Variants in THRAP3 observed in about 807,000 individuals in gnomAD.
THRAP3 encodes the protein thyroid hormone receptor-associated protein 3.
In THRAP3, 16 loss-of-function variants were observed where a neutral mutation model predicts 101.0. That is an observed-to-expected ratio of 0.16 (90% CI 0.11 to 0.24). The LOEUF (loss-of-function observed/expected upper bound fraction) is 0.24, where lower values mean the gene tolerates loss of function less well. Among genes scored for constraint, THRAP3 ranks in the 10% least tolerant of loss-of-function variants. The pLI is 1.00. For synonymous variants in THRAP3, 407 were observed against 422.6 expected, an observed-to-expected ratio of 0.96 and a Z score of 0.45; for missense variants, 989 against 1,202.7, an observed-to-expected ratio of 0.82 and a Z score of 2.63.
upstream of THRAP3, among the ~76,000 whole-genome samples, chr1:36,219,438 T>A (rs1049741293): frequency 2.6e-5 from 4 of 152,150 alleles, no homozygotes; most frequent in Admixed American, 6.6e-5. Context: ...TTATTTTTAT[T>A]TTTTTAGATG....
intron 1 of THRAP3, among the ~76,000 whole-genome samples, chr1:36,230,452 G>A (rs1156878225): frequency 2.0e-5 from 3 of 151,918 alleles, no homozygotes; most frequent in Non-Finnish European, 4.4e-5. Flanking sequence ...TAGTAGAGAT[G>A]AGGTTTCGCC....
chr1:36,285,983 C>G (rs1645791268), intron 3 of THRAP3, among the ~76,000 whole-genome samples: 1 of 152,128 alleles, frequency 6.6e-6, no homozygotes, highest in African/African-American at 2.4e-5. Context: ...CTCTCGTTTC[C>G]AATGACCTGG....
chr1:36,298,719 C>T (rs1055802491), intron 9 of THRAP3, among the ~76,000 whole-genome samples: 2 of 152,124 alleles, frequency 1.3e-5, no homozygotes, highest in African/African-American at 4.8e-5. Flanking sequence ...CCATGCTGGT[C>T]TTGAACTCTT....
intron 2 of THRAP3, among the ~76,000 whole-genome samples, chr1:36,282,232 TC>T (rs1645741407): frequency 8.8e-6 from 1 of 114,276 alleles, no homozygotes. Context: ...AGCCACTTTC[TC>T]TCTTTTTTTT....
intron 2 of THRAP3, among the ~76,000 whole-genome samples, chr1:36,278,371 C>T (rs980389851): frequency 1.3e-5 from 2 of 152,004 alleles, no homozygotes; most frequent in Non-Finnish European, 2.9e-5. Flanking sequence ...AGGCTTCAAT[C>T]GGGTTTTGAC....
chr1:36,297,354 T>C (rs1048841336), intron 9 of THRAP3, among the ~76,000 whole-genome samples: 2 of 152,164 alleles, frequency 1.3e-5, no homozygotes, highest in Non-Finnish European at 2.9e-5. Flanking sequence ...GACTTTTTAA[T>C]CATGTGTCAC....
intron 1 of THRAP3, among the ~76,000 whole-genome samples, chr1:36,226,022 C>T (rs1227447810): frequency 1.3e-5 from 2 of 152,062 alleles, no homozygotes; most frequent in Admixed American, 1.3e-4. Context: ...GTTTTGTAGA[C>T]TAGGTACAGT....
the THRAP3 span, among the ~76,000 whole-genome samples, chr1:36,215,604 G>T: frequency 6.6e-6 from 1 of 152,108 alleles, no homozygotes; most frequent in East Asian, 1.9e-4. Flanking sequence ...GGGGTAAATC[G>T]TACATGTTGT....
chr1:36,290,516 C>T (rs1420585254), intron 5 of THRAP3, among the ~76,000 whole-genome samples: 3 of 151,414 alleles, frequency 2.0e-5, no homozygotes, highest in Admixed American at 6.6e-5. Context: ...CCCAGGCTGG[C>T]GTGCAGTGGT....
chr1:36,241,430 C>T lies in THRAP3; in HGVS notation c.-135+16925C>T, dbSNP rs866651606. Among the ~76,000 whole-genome samples the T allele has an allele frequency of 7.2e-4, 92 of 127,546 alleles. 1 individual carries two copies. The highest frequency in any genetic ancestry group is 2.9e-3 in the African/African-American group (82 of 27,978). 83.7% of individuals were successfully genotyped at this position (127,546 alleles called of 152,430 possible). A position where few individuals can be genotyped will look rare whatever the true frequency, so the allele number is the denominator to read the frequency against. On this transcript the variant is annotated intron_variant, in intron 1 of 11. Transcript: ENST00000354618. ...ATATATATATATATATATATATATA[C>T]ACATATATAAATAAATATATATTCT...
rs765994565 is a variant in THRAP3 at position 36,291,527 on chromosome 1, C to G, written c.1899C>G (p.Thr633=). The G allele has an allele frequency of 5.6e-6, 9 of 1,614,160 alleles. No homozygotes were observed. The Admixed American group carries it at 1.5e-4, about 27-fold the overall frequency. Residue 633 remains threonine, a synonymous_variant, in exon 6 of 12, where the codon ACC becomes ACG. Transcript: ENST00000354618. ...AACTGTTTGCCCAACATATAGTGACCATTGTTCACCATGTTAAAGGTGAGT... is the reference window on the plus strand; with the variant it reads ...AACTGTTTGCCCAACATATAGTGACGATTGTTCACCATGTTAAAGGTGAGT... The part of the protein sequence containing the change: ...PSELFAQHIV[T]IVHHVKEHHF...
chr1:36,215,202 C>T, the THRAP3 span, among the ~76,000 whole-genome samples: 1 of 151,814 alleles, frequency 6.6e-6, no homozygotes, highest in Non-Finnish European at 1.5e-5. Context: ...CCAGCCTGGG[C>T]GACAGAGCGA....
At chr1:36,255,448 T>C (rs978381871) in intron 1 of THRAP3, among the ~76,000 whole-genome samples, 65 of 151,506 alleles carry the variant, frequency 4.3e-4, no homozygotes, top group African/African-American at 1.4e-3. Context: ...GGCAACATAG[T>C]GAGACCCTGT....
chr1:36,270,444 C>T (rs1321121891), intron 2 of THRAP3, among the ~76,000 whole-genome samples: 2 of 152,038 alleles, frequency 1.3e-5, no homozygotes, highest in Non-Finnish European at 2.9e-5. Context: ...CCTGCTCTCG[C>T]AGCTATAAGA....
At chr1:36,235,326 A>G (rs1448001093) in intron 1 of THRAP3, among the ~76,000 whole-genome samples, 1 of 152,164 alleles carries the variant, frequency 6.6e-6, no homozygotes, top group Non-Finnish European at 1.5e-5. Flanking sequence ...AACTATTTGG[A>G]AAAGGAAAGT....
chr1:36,243,914 G>A (rs1240371259), intron 1 of THRAP3, among the ~76,000 whole-genome samples: 3 of 140,356 alleles, frequency 2.1e-5, no homozygotes, highest in South Asian at 2.3e-4. Context: ...GCGGCTGGCC[G>A]GGCGGGGGGC....
chr1:36,229,375 G>A (rs994927814), intron 1 of THRAP3, among the ~76,000 whole-genome samples: 7 of 150,488 alleles, frequency 4.7e-5, no homozygotes, highest in South Asian at 2.1e-4. Context: ...GGATTATAGC[G>A]GTGAGCCACC....
intron 10 of THRAP3, among the ~76,000 whole-genome samples, chr1:36,301,338 G>GTTTATA (rs1557461316): frequency 6.6e-6 from 1 of 152,194 alleles, no homozygotes; most frequent in African/African-American, 2.4e-5. Context: ...GACTACTGCT[G>GTTTATA]TTTATAGGGA....
chr1:36,288,181 T>G (rs1645819618), intron 4 of THRAP3: 1 of 946,578 alleles, frequency 1.1e-6, no homozygotes, highest in African/African-American at 1.8e-5. Flanking sequence ...CAATAGGTTT[T>G]TGGGCGAATA....
Sources: gnomAD v4.1 joint callset for allele counts (sites outside exome capture counted in the v4.1 genomes callset) on GRCh38, gnomAD v4.1.1 for gene constraint, MANE v1.5 for transcripts, NCBI Gene and HGNC (gene_info 2026-07-23, HGNC 2026-07-21) for gene names.